Variants in RAB3C observed in about 807,000 individuals in gnomAD.
RAB3C encodes ras-related protein Rab-3C.
In RAB3C, 17 loss-of-function variants were observed where a neutral mutation model predicts 26.4. That is an observed-to-expected ratio of 0.64 (90% CI 0.44 to 0.97). The LOEUF is 0.97. Among genes scored for constraint, RAB3C ranks in the 50% least tolerant of loss-of-function variants. RAB3C has a pLI of 0.00. For synonymous variants in RAB3C, 91 were observed against 95.9 expected, an observed-to-expected ratio of 0.95 and a Z score of 0.30; for missense variants, 242 against 281.9, an observed-to-expected ratio of 0.86 and a Z score of 1.01.
At chr5:58,766,075 G>A (rs923632215) in intron 3 of RAB3C, among the ~76,000 whole-genome samples, 1 of 151,614 alleles carries the variant, frequency 6.6e-6, no homozygotes, top group Non-Finnish European at 1.5e-5. Context: ...GTGGAACTGT[G>A]AGTCAATTAA....
intron 2 of RAB3C, among the ~76,000 whole-genome samples, chr5:58,649,992 C>T (rs1747609878): frequency 1.3e-5 from 2 of 152,172 alleles, no homozygotes; most frequent in South Asian, 2.1e-4. Context: ...ATGGTGACCT[C>T]TAATTCTTTC....
At chr5:58,759,519 C>T (rs752826657) in intron 3 of RAB3C, among the ~76,000 whole-genome samples, 22 of 152,248 alleles carry the variant, frequency 1.4e-4, no homozygotes, top group East Asian at 3.9e-4. Context: ...ATTTTGTCCT[C>T]GGAAGAGAAG....
intron 1 of RAB3C, among the ~76,000 whole-genome samples, chr5:58,590,142 T>C (rs1459180141): frequency 6.6e-6 from 1 of 152,258 alleles, no homozygotes. Context: ...ATATCCATTA[T>C]AGCTGCAATC....
At chr5:58,638,146 C>T (rs1444344752) in intron 2 of RAB3C, among the ~76,000 whole-genome samples, 1 of 152,134 alleles carries the variant, frequency 6.6e-6, no homozygotes, top group Non-Finnish European at 1.5e-5. Flanking sequence ...TGTGATTTTA[C>T]ACTTCCAACA....
intron 3 of RAB3C, among the ~76,000 whole-genome samples, chr5:58,733,137 AG>A (rs1053277652): frequency 6.6e-6 from 1 of 152,174 alleles, no homozygotes; most frequent in Non-Finnish European, 1.5e-5. Context: ...ACTTCCTCGA[AG>A]ATAGTCTGTT....
intron 3 of RAB3C, among the ~76,000 whole-genome samples, chr5:58,734,650 T>G (rs1741096805): frequency 6.6e-6 from 1 of 152,196 alleles, no homozygotes; most frequent in African/African-American, 2.4e-5. Context: ...ACACCCTGTT[T>G]CCTCCGTTGT....
chr5:58,742,469 A>G (rs1224424300), intron 3 of RAB3C, among the ~76,000 whole-genome samples: 1 of 152,150 alleles, frequency 6.6e-6, no homozygotes, highest in East Asian at 1.9e-4. Flanking sequence ...ACAGTATTTG[A>G]TCCTAATCAT....
intron 1 of RAB3C, among the ~76,000 whole-genome samples, chr5:58,591,275 C>T (rs911197895): frequency 2.0e-5 from 3 of 152,070 alleles, no homozygotes; most frequent in Admixed American, 2.0e-4. Context: ...GTTGCTAAGA[C>T]CTTTAATATC....
At chr5:58,654,113 G>A (rs559080346) in intron 2 of RAB3C, among the ~76,000 whole-genome samples, 1 of 152,206 alleles carries the variant, frequency 6.6e-6, no homozygotes, top group African/African-American at 2.4e-5. Flanking sequence ...GGCACTTTTT[G>A]TTAGATGAGC....
intron 2 of RAB3C, among the ~76,000 whole-genome samples, chr5:58,626,716 A>G (rs1747060151): frequency 6.6e-6 from 1 of 152,240 alleles, no homozygotes; most frequent in South Asian, 2.1e-4. Context: ...AATACCTGGC[A>G]TATAGTAAGT....
rs549662772 is a variant in RAB3C at position 58,722,105 on chromosome 5, G to A, written c.253-3897G>A. On this transcript the variant is annotated intron_variant, in intron 2 of 4. Transcript: ENST00000282878. ...AAATATGTCCACATATGAAATTGAT[G>A]CATTTTATAACAAAGAACAAGTTTC... Among the ~76,000 whole-genome samples the A allele has an allele frequency of 2.3e-3, 351 of 151,896 alleles. 1 individual carries two copies. The highest frequency in any genetic ancestry group is 4.1e-3 in the Non-Finnish European group (276 of 67,854).
At chr5:58,689,390 T>C (rs1561290091) in intron 2 of RAB3C, 1 of 152,174 alleles carries the variant, frequency 6.6e-6, no homozygotes, top group African/African-American at 2.4e-5. Flanking sequence ...CCTACAGCAA[T>C]TTAAATATTT....
At chr5:58,827,353 T>A (rs1194502142) in intron 4 of RAB3C, among the ~76,000 whole-genome samples, 1 of 152,136 alleles carries the variant, frequency 6.6e-6, no homozygotes, top group Non-Finnish European at 1.5e-5. Flanking sequence ...TCTCTATGAA[T>A]AAAAATGAAA....
chr5:58,737,698 A>G (rs554789838), intron 3 of RAB3C, among the ~76,000 whole-genome samples: 5 of 150,914 alleles, frequency 3.3e-5, no homozygotes, highest in Admixed American at 3.3e-4. Context: ...GCACATATCA[A>G]TTATATGTTT....
At chr5:58,597,213 A>AATATTATATAATATATACTACACAAT (rs1561260744) in intron 1 of RAB3C, among the ~76,000 whole-genome samples, 120 of 1,160 alleles carry the variant, frequency 0.1, 1 homozygote, top group African/African-American at 0.21. Context: ...ATACTACATA[A>AATATTATATAATATATACTACACAAT]ATATTATATA....
intron 2 of RAB3C, among the ~76,000 whole-genome samples, chr5:58,698,267 G>A (rs1008476298): frequency 1.1e-4 from 16 of 152,266 alleles, no homozygotes; most frequent in South Asian, 6.2e-4. Flanking sequence ...CTCTCTTCTG[G>A]CTTGTAGGGT....
At chr5:58,667,272 C>T (rs1191450516) in intron 2 of RAB3C, among the ~76,000 whole-genome samples, 1 of 152,186 alleles carries the variant, frequency 6.6e-6, no homozygotes, top group Non-Finnish European at 1.5e-5. Flanking sequence ...AGAGTTCTAG[C>T]AAGTGAGAGA....
intron 4 of RAB3C, among the ~76,000 whole-genome samples, chr5:58,839,711 G>A (rs1324795841): frequency 6.6e-6 from 1 of 151,976 alleles, no homozygotes; most frequent in Non-Finnish European, 1.5e-5. Flanking sequence ...GCCTCTACTA[G>A]GGAGTTTTAT....
chr5:58,756,404 A>ATATATATG (rs1741663907), intron 3 of RAB3C, among the ~76,000 whole-genome samples: 3 of 143,416 alleles, frequency 2.1e-5, no homozygotes, highest in Non-Finnish European at 4.5e-5. Flanking sequence ...ATATATATAT[A>ATATATATG]TGTATGTTAA....
Sources: gnomAD v4.1 joint callset for allele counts (sites outside exome capture counted in the v4.1 genomes callset) on GRCh38, gnomAD v4.1.1 for gene constraint, MANE v1.5 for transcripts, NCBI Gene and HGNC (gene_info 2026-07-23, HGNC 2026-07-21) for gene names.